Variants in INTS14 observed in about 807,000 individuals in gnomAD.
INTS14 encodes integrator complex subunit 14.
A neutral mutation model predicts 56.9 loss-of-function variants in INTS14; 27 were observed. The observed-to-expected ratio is 0.47, with a 90% confidence interval of 0.35 to 0.65. The LOEUF (loss-of-function observed/expected upper bound fraction) is 0.65, where lower values mean the gene tolerates loss of function less well. INTS14 is among the 30% of genes least tolerant of loss of function. The probability of loss-of-function intolerance (pLI) is 0.00; values close to 1 mark genes in which losing one functional copy is unlikely to be tolerated. For missense variants in INTS14, 517 were observed against 632.2 expected, an observed-to-expected ratio of 0.82 and a Z score of 1.95; for synonymous variants, 207 against 236.2, an observed-to-expected ratio of 0.88 and a Z score of 1.13.
At position 65,591,748 on chromosome 15, in the gene INTS14, C is replaced by T. The variant is rs368306256; in HGVS notation, c.987-17G>A. On this transcript the variant is annotated splice_polypyrimidine_tract_variant and intron_variant, in intron 8 of 11. Coordinates refer to ENST00000313182, the MANE Select transcript of INTS14 (RefSeq NM_001394796.1). ...CATTCAGGACTAGATGGAGAGAAGA[C>T]GGAAGATCAGAAGAACATCAAGCCT... 2.6e-5 allele frequency: 42 copies of T among 1,612,512 alleles called. No homozygotes were observed. The highest frequency in any genetic ancestry group is 5.3e-5 in the African/African-American group (4 of 74,916).
In INTS14 at chr15:65,605,217, T is replaced by A. The variant is rs1596267578; in HGVS notation, c.242A>T (p.Asp81Val). 1 of 1,613,818 alleles carries A rather than the reference T, an allele frequency of 6.2e-7. No homozygotes were observed. Among genetic ancestry groups the A allele is most frequent in the East Asian group, 2.2e-5 (1 of 44,870 alleles). Residue 81 changes from aspartate to valine, a missense_variant, in exon 3 of 12, where the codon GAT (aspartate) becomes GTT (valine). Transcript: ENST00000313182. ...CTCCAAGCAGGTTTTGTCATAATCA[T>A]CCATATTACTTAGTGCTTCCTTATT... Reference protein sequence around the residue: ...NTLQEALSNMDDYDKTCLESA... With the variant: ...NTLQEALSNMVDYDKTCLESA...
In INTS14 at chr15:65,581,577, A is replaced by T. The variant is rs1042461754; in HGVS notation, c.1305+377T>A. 4.2e-5 allele frequency among the ~76,000 whole-genome samples: 5 copies of T among 117,728 alleles called. No homozygotes were observed. The South Asian group carries it at 1.3e-3, about 31-fold the overall frequency. The allele number at this position is 117,728 out of a possible 152,430, so 77.2% of individuals were successfully genotyped here. Reference sequence around the variant, plus strand: ...AAAAAAAAAAAAAAAAAAAAAAAAAAGAATGTTCTGGGCAATTCCCCATCC... The same window carrying T: ...AAAAAAAAAAAAAAAAAAAAAAAAATGAATGTTCTGGGCAATTCCCCATCC... On this transcript the variant is annotated intron_variant, in intron 11 of 11. Transcript: ENST00000313182.
At chr15:65,610,807 G>A (rs1387145002) in intron 1 of INTS14, 2 of 1,535,232 alleles carry the variant, frequency 1.3e-6, no homozygotes, top group Admixed American at 2.0e-5. Flanking sequence ...TTAAAAATCA[G>A]TCAAGAAAAT....
At chr15:65,600,777 T>C (rs2073405233) in intron 3 of INTS14, among the ~76,000 whole-genome samples, 1 of 152,176 alleles carries the variant, frequency 6.6e-6, no homozygotes, top group Non-Finnish European at 1.5e-5. Flanking sequence ...GGTGTATACA[T>C]TTGTCAAAAC....
chr15:65,587,835 A>T (rs2072882710), intron 9 of INTS14, among the ~76,000 whole-genome samples: 1 of 152,074 alleles, frequency 6.6e-6, no homozygotes, highest in Non-Finnish European at 1.5e-5. Flanking sequence ...CAAAAAAATT[A>T]GCCAGGCATG....
chr15:65,598,860 G>T lies in INTS14; in HGVS notation c.605+12C>A. ...TGTAAAGAAGGCAAAAGAGCTCTAA[G>T]CATATACTCACCCAAACATAGACTG... On this transcript the variant is annotated intron_variant, in intron 5 of 11. Transcript: ENST00000313182. 1 of 1,590,434 alleles carries T rather than the reference G, an allele frequency of 6.3e-7. No individual in the cohort carries two copies. The highest frequency in any genetic ancestry group is 8.6e-7 in the Non-Finnish European group (1 of 1,160,470).
At chr15:65,583,808 T>C (rs2072718446) in intron 10 of INTS14, among the ~76,000 whole-genome samples, 1 of 152,210 alleles carries the variant, frequency 6.6e-6, no homozygotes, top group African/African-American at 2.4e-5. Flanking sequence ...AATATCCCTC[T>C]GACAAGGAAG....
rs114871965 is a variant in INTS14, at chr15:65,579,044, C to T, written c.*364G>A. 172 of 184,110 alleles carry T rather than the reference C, an allele frequency of 9.3e-4. No homozygotes were observed. Among genetic ancestry groups the T allele is most frequent in the African/African-American group, 3.9e-3 (164 of 42,380 alleles). The allele number at this position is 184,110 out of a possible 1,614,324, so 11.4% of individuals were successfully genotyped here. ...AATGCCCTTACAGTTGAGATATAAA[C>T]GAGGGAAGAGGTGAAGCTTTCAGGA... On this transcript the variant is annotated 3_prime_UTR_variant, in exon 12 of 12. Coordinates refer to ENST00000313182, the MANE Select transcript of INTS14 (RefSeq NM_001394796.1).
chr15:65,585,929 C>T (rs28674909), intron 9 of INTS14, among the ~76,000 whole-genome samples: 30,711 of 152,088 alleles, frequency 0.2, 4,154 homozygotes, highest in East Asian at 0.73. Context: ...ACTCTCCAGA[C>T]GTATTTCCAT....
intron 7 of INTS14, among the ~76,000 whole-genome samples, chr15:65,594,976 C>T (rs1042041634): frequency 2.0e-5 from 3 of 152,140 alleles, no homozygotes; most frequent in African/African-American, 7.2e-5. Flanking sequence ...GTGGTCATTA[C>T]TCAGTATGTG....
At chr15:65,586,199 A>C (rs988760188) in intron 9 of INTS14, among the ~76,000 whole-genome samples, 5 of 152,246 alleles carry the variant, frequency 3.3e-5, no homozygotes, top group African/African-American at 1.2e-4. Flanking sequence ...CAGAATAAAG[A>C]ATATTTATTA....
At chr15:65,591,761 G>C in intron 8 of INTS14, 30 bp from the exon 9 acceptor site, 2 of 1,611,600 alleles carry the variant, frequency 1.2e-6, no homozygotes, top group Non-Finnish European at 1.7e-6. Context: ...AAGATCAGAA[G>C]AACATCAAGC....
At chr15:65,591,453 T>G in intron 9 of INTS14, 145 bp downstream of exon 9, 5 of 1,100,144 alleles carry the variant, frequency 4.5e-6, no homozygotes, top group Non-Finnish European at 5.0e-6. Flanking sequence ...CTCTTCAAGT[T>G]TTCACCGTAC....
intron 10 of INTS14, among the ~76,000 whole-genome samples, chr15:65,583,497 G>C (rs561654114): frequency 6.6e-6 from 1 of 152,300 alleles, no homozygotes; most frequent in South Asian, 2.1e-4. Context: ...CATAGAGACA[G>C]AAAGAAAATC....
intron 3 of INTS14, among the ~76,000 whole-genome samples, chr15:65,600,242 T>A (rs937849051): frequency 1.3e-4 from 19 of 150,988 alleles, no homozygotes; most frequent in Admixed American, 1.3e-4. Context: ...GCCTGGGAGG[T>A]CAAGGCTGCA....
intron 2 of INTS14, among the ~76,000 whole-genome samples, chr15:65,606,655 A>G (rs2073666881): frequency 6.6e-6 from 1 of 152,232 alleles, no homozygotes; most frequent in South Asian, 2.1e-4. Context: ...CAGAAAGTAA[A>G]TTCTAACATA....
chr15:65,585,804 G>A (rs113184334), intron 9 of INTS14, among the ~76,000 whole-genome samples: 104 of 152,262 alleles, frequency 6.8e-4, no homozygotes, highest in Admixed American at 1.3e-3. Flanking sequence ...CTGTCTAATT[G>A]AGCCAGACAT....
intron 6 of INTS14, among the ~76,000 whole-genome samples, chr15:65,598,092 A>G (rs2073278885): frequency 2.6e-5 from 4 of 152,210 alleles, no homozygotes; most frequent in Admixed American, 2.0e-4. Context: ...TTGGATTTTC[A>G]GATTAAGGAT....
intron 2 of INTS14, 130 bp downstream of exon 2, chr15:65,607,029 G>C: frequency 8.6e-7 from 1 of 1,161,246 alleles, no homozygotes; most frequent in East Asian, 2.6e-5. Context: ...TTGCTGTTTA[G>C]TTACACATAT....
Sources: allele counts gnomAD v4.1 joint callset (sites outside exome capture counted in the v4.1 genomes callset), GRCh38; gene constraint gnomAD v4.1.1; transcripts MANE v1.5; gene names NCBI Gene and HGNC (gene_info 2026-07-23, HGNC 2026-07-21).